Variants in PCLO observed in about 807,000 individuals in gnomAD.
PCLO encodes protein piccolo.
A neutral mutation model predicts 427.5 loss-of-function variants in PCLO; 82 were observed. That is an observed-to-expected ratio of 0.19 (90% CI 0.16 to 0.23). The LOEUF is 0.23. Ranked by LOEUF, PCLO falls within the 10% of genes least tolerant of loss-of-function variation. The pLI, the probability that PCLO is intolerant of heterozygous loss-of-function variation, is 1.00. For missense variants in PCLO, 6,239 were observed against 6,115.9 expected (o/e 1.02, Z -0.67); for synonymous variants, 2,357 against 2,155.4 (o/e 1.09, Z -2.59).
intron 16 of PCLO, among the ~76,000 whole-genome samples, chr7:82,832,330 C>A (rs530264563): frequency 8.3e-4 from 127 of 152,146 alleles, no homozygotes; most frequent in Non-Finnish European, 1.5e-3. Context: ...CGGCTCACTA[C>A]AAGCTCTGCC....
intron 3 of PCLO, among the ~76,000 whole-genome samples, chr7:82,998,301 C>T (rs747295484): frequency 3.3e-5 from 5 of 151,796 alleles, no homozygotes; most frequent in Non-Finnish European, 5.9e-5. Flanking sequence ...GGGAAAAACC[C>T]TCTCATGCTT....
rs200052422 is a variant in PCLO at position 83,076,643 on chromosome 7, G to GT, written c.3300+57606dup. On this transcript the variant is annotated intron_variant, in intron 3 of 24. Transcript: ENST00000333891. ...ATTTTCCTTTTTTTTTTTTTTTGCA[G>GT]TTTTTTTTTATTATACTTTAAGTTT... Among the ~76,000 whole-genome samples the GT allele has an allele frequency of 2.4e-3, 318 of 134,016 alleles. 10 individuals are homozygous for GT. The South Asian group carries it at 0.05, about 21-fold the overall frequency. The allele number at this position is 134,016 out of a possible 152,430, so 87.9% of individuals were successfully genotyped here.
rs1299153581 is a variant in PCLO at position 82,824,249 on chromosome 7, A to G, written c.14583T>C (p.Pro4861=). 6 of 1,611,686 alleles carry G rather than the reference A, an allele frequency of 3.7e-6. No homozygotes were observed. The highest frequency in any genetic ancestry group is 1.3e-5 in the African/African-American group (1 of 74,896). The change falls in exon 19 of 25, where the codon CCT becomes CCC. Residue 4861 remains proline, a synonymous_variant. Transcript: ENST00000333891. The part of the protein sequence containing the change: ...VIKSRSHGIF[P]DPSKDMQVPT... Reference sequence around the variant, plus strand: ...AATATTTCCTACCCTTTGATGGGTCAGGGAAGATACCATGGCTTCTGCTTT... The same window carrying G: ...AATATTTCCTACCCTTTGATGGGTCGGGGAAGATACCATGGCTTCTGCTTT...
intron 1 of PCLO, 44 bp from the exon 2 acceptor site, chr7:83,156,436 G>T: frequency 8.4e-7 from 1 of 1,190,604 alleles, no homozygotes; most frequent in Non-Finnish European, 1.2e-6. Context: ...TGAAAATAAT[G>T]GAAATTATTT....
intron 3 of PCLO, among the ~76,000 whole-genome samples, chr7:83,003,595 G>A (rs150992929): frequency 2.0e-5 from 3 of 151,940 alleles, no homozygotes; most frequent in Admixed American, 6.6e-5. Flanking sequence ...TTCTACATCC[G>A]TTGAGATGAT....
At chr7:82,868,192 C>T in intron 10 of PCLO, 1 of 456,610 alleles carries the variant, frequency 2.2e-6, no homozygotes, top group Non-Finnish European at 4.4e-6. Context: ...CACTGCCATG[C>T]CATCTGTAAC....
At chr7:83,026,697 A>G (rs1788508061) in intron 3 of PCLO, among the ~76,000 whole-genome samples, 1 of 152,052 alleles carries the variant, frequency 6.6e-6, no homozygotes. Context: ...TTGACCACAT[A>G]CTTGGAAGTA....
At chr7:82,870,042 C>G (rs1793192871) in intron 10 of PCLO, among the ~76,000 whole-genome samples, 2 of 151,874 alleles carry the variant, frequency 1.3e-5, no homozygotes, top group South Asian at 4.1e-4. Context: ...AATGCAATCT[C>G]TATCAAAATA....
At chr7:83,125,044 G>C (rs544453551) in intron 3 of PCLO, among the ~76,000 whole-genome samples, 3 of 152,110 alleles carry the variant, frequency 2.0e-5, no homozygotes, top group Non-Finnish European at 4.4e-5. Context: ...ACGGAGTCTC[G>C]CTTACTCAGT....
At chr7:82,773,244 A>C (rs990014259) in intron 22 of PCLO, among the ~76,000 whole-genome samples, 3 of 152,188 alleles carry the variant, frequency 2.0e-5, no homozygotes, top group Non-Finnish European at 4.4e-5. Context: ...AAAAAGTATA[A>C]TGTAAGAAAA....
chr7:82,876,939 AATAAC>A (rs1301882788), intron 10 of PCLO, among the ~76,000 whole-genome samples: 1 of 152,158 alleles, frequency 6.6e-6, no homozygotes, highest in African/African-American at 2.4e-5. Context: ...AGAACGAATA[AATAAC>A]ATAATTAATC....
chr7:82,907,195 C>A (rs528500363), intron 8 of PCLO, among the ~76,000 whole-genome samples: 2 of 151,938 alleles, frequency 1.3e-5, no homozygotes, highest in East Asian at 1.9e-4. Flanking sequence ...TCTCAGTGCC[C>A]GTGGAAACAG....
intron 3 of PCLO, among the ~76,000 whole-genome samples, chr7:83,097,266 T>C (rs1160375338): frequency 7.1e-6 from 1 of 141,402 alleles, no homozygotes; most frequent in Non-Finnish European, 1.5e-5. Context: ...CTCACGCCTG[T>C]AATCCCAGCA....
intron 6 of PCLO, among the ~76,000 whole-genome samples, chr7:82,940,410 A>AAT (rs1306842447): frequency 6.6e-6 from 1 of 152,248 alleles, no homozygotes; most frequent in East Asian, 1.9e-4. Context: ...AATGAACATT[A>AAT]ATTAGTACTT....
intron 3 of PCLO, among the ~76,000 whole-genome samples, chr7:83,102,620 T>G (rs573041747): frequency 6.6e-6 from 1 of 152,130 alleles, no homozygotes; most frequent in African/African-American, 2.4e-5. Context: ...AAAACTGAAA[T>G]AGCAATATTC....
intron 3 of PCLO, among the ~76,000 whole-genome samples, chr7:83,037,989 T>TTATATATATA (rs1161030427): frequency 0.019 from 259 of 13,530 alleles, 4 homozygotes; most frequent in South Asian, 0.025. Context: ...AAGGAGGAGC[T>TTATATATATA]TATATATATA....
chr7:83,137,581 C>A (rs1012059262), intron 2 of PCLO, among the ~76,000 whole-genome samples: 1 of 152,132 alleles, frequency 6.6e-6, no homozygotes, highest in African/African-American at 2.4e-5. Flanking sequence ...TAGGCGCCCA[C>A]CACCACGCCC....
At chr7:83,090,639 G>A (rs1790354717) in intron 3 of PCLO, among the ~76,000 whole-genome samples, 1 of 152,064 alleles carries the variant, frequency 6.6e-6, no homozygotes, top group African/African-American at 2.4e-5. Flanking sequence ...ACACAAATCT[G>A]TGATGGGTAC....
At chr7:82,946,826 T>C (rs1795214734) in intron 6 of PCLO, among the ~76,000 whole-genome samples, 1 of 152,202 alleles carries the variant, frequency 6.6e-6, no homozygotes, top group Non-Finnish European at 1.5e-5. Flanking sequence ...TAATCTGATG[T>C]ACATTTTAGA....
Sources: gnomAD v4.1 joint callset for allele counts (sites outside exome capture counted in the v4.1 genomes callset) on GRCh38, gnomAD v4.1.1 for gene constraint, MANE v1.5 for transcripts, NCBI Gene and HGNC (gene_info 2026-07-23, HGNC 2026-07-21) for gene names.